The following RAET1L variants were observed in gnomAD, a reference collection of about 807,000 sequenced individuals.
RAET1L encodes the protein retinoic acid early transcript 1L, also known as UL16-binding protein 6.
Under a neutral mutation model 23.9 loss-of-function variants are expected in RAET1L, and 16 were observed. The ratio of observed to expected loss-of-function variants is 0.67; its 90% CI spans 0.45 to 1.02. The LOEUF is 1.02. Among genes scored for constraint, RAET1L ranks in the 50% least tolerant of loss-of-function variants. The pLI is 0.00. For missense variants in RAET1L, 233 were observed against 304.0 expected (o/e 0.77, Z 1.74); for synonymous variants, 70 against 111.2 (o/e 0.63, Z 2.33).
intron 3 of RAET1L, 72 bp downstream of exon 3, chr6:150,020,833 C>A: frequency 6.3e-7 from 1 of 1,586,744 alleles, no homozygotes; most frequent in Non-Finnish European, 8.6e-7. Context: ...TGAAGCTGAA[C>A]TCAAGAACTA....
At chr6:150,021,594 T>C (rs1582848207) in intron 2 of RAET1L, among the ~76,000 whole-genome samples, 1 of 88,438 alleles carries the variant, frequency 1.1e-5, no homozygotes, top group Non-Finnish European at 2.4e-5. Flanking sequence ...CCACTGCACC[T>C]GGCTTTTTTT....
At chr6:150,019,277 C>T (rs1779858327) in intron 4 of RAET1L, among the ~76,000 whole-genome samples, 1 of 152,202 alleles carries the variant, frequency 6.6e-6, no homozygotes, top group Non-Finnish European at 1.5e-5. Flanking sequence ...TTGAGCATCA[C>T]CTCACACTGG....
chr6:150,021,134 G>C lies in RAET1L; in HGVS notation c.402C>G (p.His134Gln). The C allele has an allele frequency of 6.2e-7, 1 of 1,614,086 alleles. No individual in the cohort carries two copies. Among genetic ancestry groups the C allele is most frequent in the African/African-American group, 1.3e-5 (1 of 75,004 alleles). ...TACTGAACTGCCAAGATCCACTGCT[G>C]TGTCCTTCAGCTTTCTGCTCACAAG... ...RMSCEQKAEG[H>Q]SSGSWQFSID... Residue 134 changes from histidine (H) to glutamine (Q), a missense_variant, in exon 3 of 5, where the codon CAC (histidine) becomes CAG (glutamine). Physicochemically the swap from His to Gln is conservative, Grantham distance 24. This residue lies in a region of RAET1L where 139 missense variants were observed against 125.3 expected (regional missense o/e 1.11). Transcript: ENST00000367341.
At chr6:150,019,511 T>G (rs1335247092) in intron 4 of RAET1L, among the ~76,000 whole-genome samples, 1 of 151,832 alleles carries the variant, frequency 6.6e-6, no homozygotes, top group Admixed American at 6.6e-5. Flanking sequence ...CACGGGTACA[T>G]GGGACTGACT....
rs1779879669 is a variant in RAET1L at position 150,021,015 on chromosome 6, T to G, written c.521A>C (p.Asn174Thr). ...GAAGGACATGGCCACATCCTTGTCA[T>G]TCTCCCACTTTTCTTTCATCTTTCT... ...GARKMKEKWE[N>T]DKDVAMSFHY... is the part of the protein sequence containing the mutation. Residue 174 changes from asparagine to threonine, a missense_variant, in exon 3 of 5, where the codon AAT becomes ACT. Transcript: ENST00000367341. 6 of 1,614,216 alleles carry G rather than the reference T, an allele frequency of 3.7e-6. No individual in the cohort carries two copies. In the East Asian group the frequency reaches 1.3e-4, roughly 36 times the overall value.
rs114811584 is a variant in RAET1L, at chr6:150,025,288, C to G, written c.85+99G>C. 2.3e-3 allele frequency: 2,287 copies of G among 1,011,460 alleles called. 30 individuals carry two copies. The African/African-American group carries it at 0.03, about 13-fold the overall frequency. 62.7% of individuals were successfully genotyped at this position (1,011,460 alleles called of 1,614,324 possible). A position where few individuals can be genotyped will look rare whatever the true frequency, so the allele number is the denominator to read the frequency against. Reference sequence around the variant, plus strand: ...GGGGGCGCAGTTCGGGGAGATCTCCCTTGTCCTTCCAGAAGCCTTCCCTCC... The same window carrying G: ...GGGGGCGCAGTTCGGGGAGATCTCCGTTGTCCTTCCAGAAGCCTTCCCTCC... On this transcript the variant is annotated intron_variant, in intron 1 of 4. Transcript: ENST00000367341.
chr6:150,022,423 A>AAGG (rs542601643), intron 1 of RAET1L, among the ~76,000 whole-genome samples, 180 bp from the exon 2 acceptor site: 1,174 of 71,912 alleles, frequency 0.016, 47 homozygotes, highest in African/African-American at 0.048. Context: ...GCATGAGGAC[A>AAGG]AGGAGGAGGA....
rs1263040544 is a variant in RAET1L at position 150,020,955 on chromosome 6, A to T, written c.581T>A (p.Leu194His). Residue 194 changes from leucine (L) to histidine (H), a missense_variant, in exon 3 of 5, where the codon CTT (leucine) becomes CAT (histidine). By Grantham distance (99) the Leu-to-His change is moderately conservative. Around this residue, in one of 4 missense-constraint regions of RAET1L, gnomAD observed 139 missense variants for 125.3 expected, o/e 1.11. Transcript: ENST00000367341. Reference protein sequence around the residue: ...YISMGDCIGWLEDFLMGMDST... With the variant: ...YISMGDCIGWHEDFLMGMDST... ...GTCCATGCCCATCAAGAAGTCCTCAAGCCATCCTATGCAGTCTCCCATTGA... is the reference window on the plus strand; with the variant it reads ...GTCCATGCCCATCAAGAAGTCCTCATGCCATCCTATGCAGTCTCCCATTGA... 5.0e-6 allele frequency: 8 copies of T among 1,614,086 alleles called. No homozygotes were observed.
At chr6:150,024,265 T>C (rs1779920717) in intron 1 of RAET1L, among the ~76,000 whole-genome samples, 1 of 152,072 alleles carries the variant, frequency 6.6e-6, no homozygotes, top group Non-Finnish European at 1.5e-5. Flanking sequence ...ACTTTCCAAC[T>C]GACATCAGAG....
Position 150,024,855 on chromosome 6 carries a change from A to G in RAET1L, c.85+532T>C, listed in dbSNP as rs559621658. ...GATGGTGAGGGGAGGGGTGGCGGGT[A>G]TCTGCTGAGCCCCTGGGTGCAGGTG... On this transcript the variant is annotated intron_variant, in intron 1 of 4. Coordinates refer to ENST00000367341, the MANE Select transcript of RAET1L (RefSeq NM_130900.3). Among the ~76,000 whole-genome samples the G allele has an allele frequency of 7.4e-3, 1,120 of 152,168 alleles. 15 individuals are homozygous for G. The highest frequency in any genetic ancestry group is 0.025 in the African/African-American group (1,022 of 41,504).
At chr6:150,022,717 G>A (rs1434430374) in intron 1 of RAET1L, among the ~76,000 whole-genome samples, 1 of 122,880 alleles carries the variant, frequency 8.1e-6, no homozygotes, top group African/African-American at 2.9e-5. Flanking sequence ...ATGGTCACAG[G>A]ATGTAACATG....
At chr6:150,021,840 C>T (rs1378108568) in intron 2 of RAET1L, 140 bp downstream of exon 2, 27 of 1,257,846 alleles carry the variant, frequency 2.1e-5, no homozygotes, top group Non-Finnish European at 2.8e-5. Flanking sequence ...GATCGGCCCA[C>T]CTCTACCTCA....
intron 2 of RAET1L, 144 bp downstream of exon 2, chr6:150,021,836 C>T (rs1352100642): frequency 2.4e-6 from 3 of 1,237,802 alleles, no homozygotes; most frequent in Non-Finnish European, 1.1e-6. Flanking sequence ...TTGTGATCGG[C>T]CCACCTCTAC....
chr6:150,021,258 T>C (rs1779884260), intron 2 of RAET1L, 72 bp from the exon 3 acceptor site: 2 of 1,519,984 alleles, frequency 1.3e-6, no homozygotes, highest in Non-Finnish European at 1.8e-6. Context: ...CCCTTACAAT[T>C]TGCTGGCCTT....
At chr6:150,020,399 G>A (rs1315988887) in intron 3 of RAET1L, among the ~76,000 whole-genome samples, 160 bp from the exon 4 acceptor site, 1 of 152,106 alleles carries the variant, frequency 6.6e-6, no homozygotes, top group East Asian at 1.9e-4. Context: ...GCTTAGGAAG[G>A]GAGACGGGGT....
chr6:150,025,191 C>T (rs537147147), intron 1 of RAET1L, among the ~76,000 whole-genome samples, 196 bp downstream of exon 1: 1 of 149,342 alleles, frequency 6.7e-6, no homozygotes, highest in East Asian at 1.9e-4. Flanking sequence ...TGCTCTTTTT[C>T]GCCCCTACTG....
At chr6:150,024,782 C>A (rs1160825087) in intron 1 of RAET1L, among the ~76,000 whole-genome samples, 1 of 151,992 alleles carries the variant, frequency 6.6e-6, no homozygotes, top group Admixed American at 6.6e-5. Flanking sequence ...GGGTGACCAG[C>A]TGGGCTGAGG....
In RAET1L at chr6:150,021,024, T is replaced by A. The variant is rs748675540; in HGVS notation, c.512A>T (p.Lys171Met). 1.2e-6 allele frequency: 2 copies of A among 1,614,086 alleles called. No homozygotes were observed. The highest frequency in any genetic ancestry group is 1.7e-6 in the Non-Finnish European group (2 of 1,180,042). Residue 171 changes from lysine (K) to methionine (M), a missense_variant, in exon 3 of 5, where the codon AAG becomes ATG. By Grantham distance (95) the Lys-to-Met change is moderately conservative. Coordinates refer to ENST00000367341, the MANE Select transcript of RAET1L (RefSeq NM_130900.3). ...VHPGARKMKE[K>M]WENDKDVAMS... is the part of the protein sequence containing the mutation. ...GGCCACATCCTTGTCATTCTCCCAC[T>A]TTTCTTTCATCTTTCTGGCTCCAGG...
At position 150,022,216 on chromosome 6, in the gene RAET1L, G is replaced by C. The variant is rs137965307; in HGVS notation, c.113C>G (p.Thr38Ser). The stretch of plus-strand genomic sequence containing the variant: ...TCCAGGTCTGAACTTAGGGATGACG[G>C]TGATGTCATAGCAAAGAGAGTGAGG... ...DDPHSLCYDI[T>S]VIPKFRPGPR... Residue 38 changes from threonine (T) to serine (S), a missense_variant, in exon 2 of 5, where the codon ACC (threonine) becomes AGC (serine). By Grantham distance (58) the Thr-to-Ser change is moderately conservative. Coordinates refer to ENST00000367341, the MANE Select transcript of RAET1L (RefSeq NM_130900.3). 3 of 1,571,366 alleles carry C rather than the reference G, an allele frequency of 1.9e-6. No homozygotes were observed. The Admixed American group carries it at 5.3e-5, about 28-fold the overall frequency.
Sources: allele counts gnomAD v4.1 joint callset (sites outside exome capture counted in the v4.1 genomes callset), GRCh38; gene constraint gnomAD v4.1.1; regional missense constraint gnomAD v4.1.1; transcripts MANE v1.5; gene names NCBI Gene and HGNC (gene_info 2026-07-23, HGNC 2026-07-21).